Variants in RIMS2 observed in about 807,000 individuals in gnomAD.
The protein encoded by RIMS2 is regulating synaptic membrane exocytosis 2.
A neutral mutation model predicts 174.4 loss-of-function variants in RIMS2; 59 were observed. The observed-to-expected ratio is 0.34, with a 90% CI of 0.27 to 0.42. The LOEUF (loss-of-function observed/expected upper bound fraction) is 0.42, where lower values mean the gene tolerates loss of function less well. Ranked by LOEUF, RIMS2 falls within the 10% of genes least tolerant of loss-of-function variation. The pLI is 1.00. For missense variants in RIMS2, 1,620 were observed against 1,666.3 expected, an observed-to-expected ratio of 0.97 and a Z score of 0.48; for synonymous variants, 606 against 572.5, an observed-to-expected ratio of 1.06 and a Z score of -0.84.
At chr8:104,035,020 G>C (rs1597472876) in intron 19 of RIMS2, among the ~76,000 whole-genome samples, 1 of 152,154 alleles carries the variant, frequency 6.6e-6, no homozygotes, top group Non-Finnish European at 1.5e-5. Context: ...TTTTGGAAGA[G>C]TTACAATTTT....
intron 3 of RIMS2, among the ~76,000 whole-genome samples, chr8:103,812,893 C>T (rs1282352571): frequency 6.6e-6 from 1 of 152,138 alleles, no homozygotes; most frequent in African/African-American, 2.4e-5. Context: ...GACTGTCTTT[C>T]TTATAGCCTT....
chr8:104,046,975 C>G (rs750512794), intron 19 of RIMS2, among the ~76,000 whole-genome samples: 1 of 151,774 alleles, frequency 6.6e-6, no homozygotes, highest in Non-Finnish European at 1.5e-5. Context: ...AATATATGTA[C>G]GTATAATATA....
intron 2 of RIMS2, among the ~76,000 whole-genome samples, chr8:103,751,382 T>C (rs574425116): frequency 6.6e-6 from 1 of 151,754 alleles, no homozygotes. Flanking sequence ...GTCTTTGCTA[T>C]TGTGAATAAT....
chr8:103,964,826 T>C (rs1807155397), intron 15 of RIMS2, among the ~76,000 whole-genome samples: 1 of 152,216 alleles, frequency 6.6e-6, no homozygotes, highest in African/African-American at 2.4e-5. Flanking sequence ...CTGATGCATT[T>C]TTGAAGAGTG....
intron 2 of RIMS2, among the ~76,000 whole-genome samples, chr8:103,759,867 T>A (rs1217233035): frequency 6.6e-6 from 1 of 152,170 alleles, no homozygotes; most frequent in African/African-American, 2.4e-5. Context: ...AGAATCAGAC[T>A]ATCGATTGGA....
chr8:103,997,020 G>A (rs944850273), intron 17 of RIMS2, among the ~76,000 whole-genome samples: 1 of 151,866 alleles, frequency 6.6e-6, no homozygotes, highest in Non-Finnish European at 1.5e-5. Context: ...TGAGGATTAA[G>A]AGGAGACGAA....
At chr8:103,722,363 T>C (rs2097460863) in intron 2 of RIMS2, among the ~76,000 whole-genome samples, 1 of 152,104 alleles carries the variant, frequency 6.6e-6, no homozygotes, top group African/African-American at 2.4e-5. Flanking sequence ...AATGAAATAG[T>C]TATACAGTTC....
intron 4 of RIMS2, among the ~76,000 whole-genome samples, chr8:103,904,238 C>G (rs1197537015): frequency 6.6e-6 from 1 of 151,930 alleles, no homozygotes. Flanking sequence ...ATATAATGCC[C>G]TTGAGGTCTA....
intron 14 of RIMS2, among the ~76,000 whole-genome samples, chr8:103,954,246 A>G (rs1200174207): frequency 1.3e-5 from 2 of 152,102 alleles, no homozygotes; most frequent in African/African-American, 2.4e-5. Flanking sequence ...ACTCTGACCA[A>G]GCGGCCTAAT....
chr8:103,953,063 G>A (rs1040538116), intron 14 of RIMS2, among the ~76,000 whole-genome samples: 10 of 151,904 alleles, frequency 6.6e-5, no homozygotes, highest in Non-Finnish European at 1.5e-5. Flanking sequence ...AGGAAAAAGA[G>A]TGAAAAATGA....
At chr8:103,635,675 C>T (rs1458869622) in intron 1 of RIMS2, among the ~76,000 whole-genome samples, 3 of 152,318 alleles carry the variant, frequency 2.0e-5, no homozygotes, top group East Asian at 1.9e-4. Context: ...GTTAGGAGGT[C>T]CTGCCCAGTG....
At chr8:103,946,570 C>T (rs1295824095) in intron 14 of RIMS2, among the ~76,000 whole-genome samples, 2 of 151,862 alleles carry the variant, frequency 1.3e-5, no homozygotes, top group East Asian at 1.9e-4. Flanking sequence ...TGTTCAAACT[C>T]GTACAATAAA....
rs55852238 is a variant in RIMS2, at chr8:103,696,862, CA to C, written c.177-201del. On this transcript the variant is annotated intron_variant, in intron 1 of 23. Transcript: ENST00000504942. ...TGGGTAACAGAGCGAGACTTCGTCT[CA>C]AAAAAAAAAAAAAAAAAAAAAAGAA... Among the ~76,000 whole-genome samples the C allele has an allele frequency of 9.6e-3, 518 of 53,716 alleles. 1 individual carries two copies. Among genetic ancestry groups the C allele is most frequent in the African/African-American group, 0.028 (363 of 13,116 alleles). 35.2% of individuals were successfully genotyped at this position (53,716 alleles called of 152,430 possible).
chr8:104,204,762 G>C (rs75335969), intron 19 of RIMS2, among the ~76,000 whole-genome samples: 151 of 152,322 alleles, frequency 9.9e-4, no homozygotes, highest in African/African-American at 3.2e-3. Context: ...AATCCTGTAA[G>C]AGGCTTGTAT....
chr8:104,223,882 G>C (rs1206301953), intron 19 of RIMS2: 5 of 1,061,612 alleles, frequency 4.7e-6, no homozygotes, highest in Non-Finnish European at 5.6e-6. Context: ...AGAACTCCAC[G>C]TAGCAGTGTC....
intron 1 of RIMS2, among the ~76,000 whole-genome samples, chr8:103,539,080 T>A (rs1016437055): frequency 6.6e-6 from 1 of 152,244 alleles, no homozygotes; most frequent in Non-Finnish European, 1.5e-5. Context: ...GTGCCTTTAA[T>A]CTCAGCTACT....
At chr8:103,738,409 G>T (rs1405966535) in intron 2 of RIMS2, among the ~76,000 whole-genome samples, 4 of 152,124 alleles carry the variant, frequency 2.6e-5, no homozygotes, top group Non-Finnish European at 4.4e-5. Context: ...TTAATTGTTA[G>T]ACCTAAAACC....
chr8:104,184,121 T>C (rs1357470479), intron 19 of RIMS2, among the ~76,000 whole-genome samples: 1 of 151,688 alleles, frequency 6.6e-6, no homozygotes, highest in Non-Finnish European at 1.5e-5. Flanking sequence ...ACTTGTGCTC[T>C]ACCACAGTTA....
rs575681200 is a variant in RIMS2, at chr8:103,986,856, A to G, written c.2928-2449A>G. On this transcript the variant is annotated intron_variant, in intron 16 of 23. Transcript: ENST00000504942. The stretch of plus-strand genomic sequence containing the variant: ...CCATTGCACTCCAACCTGGGCAAGA[A>G]GAGTGAAACTCCGTCTCAAAAAAAA... Among the ~76,000 whole-genome samples, 5 of 151,594 alleles carry G rather than the reference A, an allele frequency of 3.3e-5. No homozygotes were observed. The South Asian group carries it at 1.0e-3, about 32-fold the overall frequency.
Sources: gnomAD v4.1 joint callset for allele counts (sites outside exome capture counted in the v4.1 genomes callset) on GRCh38, gnomAD v4.1.1 for gene constraint, MANE v1.5 for transcripts, NCBI Gene and HGNC (gene_info 2026-07-23, HGNC 2026-07-21) for gene names.